DGKB: variants seen among roughly 807,000 people sequenced by gnomAD.
DGKB encodes 90 kDa diacylglycerol kinase.
In DGKB, 67 loss-of-function variants were observed where a neutral mutation model predicts 114.3. The ratio of observed to expected loss-of-function variants is 0.59; its 90% CI spans 0.48 to 0.72. DGKB has a LOEUF of 0.72. DGKB is among the 30% of genes least tolerant of loss of function. The pLI is 0.00. For synonymous variants in DGKB, 398 were observed against 323.1 expected, an observed-to-expected ratio of 1.23 and a Z score of -2.49; for missense variants, 907 against 975.2, an observed-to-expected ratio of 0.93 and a Z score of 0.93.
intron 17 of DGKB, among the ~76,000 whole-genome samples, chr7:14,596,083 G>A (rs917230849): frequency 3.3e-5 from 5 of 152,002 alleles, no homozygotes; most frequent in Non-Finnish European, 5.9e-5. Flanking sequence ...CTTCATTGAT[G>A]GCGATATTTC....
chr7:14,595,472 A>T (rs1802416425), intron 17 of DGKB, among the ~76,000 whole-genome samples: 1 of 152,110 alleles, frequency 6.6e-6, no homozygotes, highest in Admixed American at 6.6e-5. Flanking sequence ...TCTCTCTTTG[A>T]TAAATAAGGA....
intron 23 of DGKB, among the ~76,000 whole-genome samples, chr7:14,321,724 A>G (rs1016400153): frequency 6.6e-6 from 1 of 152,160 alleles, no homozygotes; most frequent in Admixed American, 6.5e-5. Flanking sequence ...ATTAGAATTG[A>G]TAAGTGATTT....
At chr7:14,569,382 A>G (rs542784141) in intron 20 of DGKB, among the ~76,000 whole-genome samples, 1 of 152,182 alleles carries the variant, frequency 6.6e-6, no homozygotes, top group Non-Finnish European at 1.5e-5. Context: ...ACATTCTATC[A>G]CATAGTTTTT....
chr7:14,898,725 T>G (rs544099557), intron 1 of DGKB, among the ~76,000 whole-genome samples: 3 of 152,074 alleles, frequency 2.0e-5, no homozygotes, highest in Non-Finnish European at 4.4e-5. Context: ...ACAATGTGAA[T>G]GTATTTGCAA....
intron 21 of DGKB, among the ~76,000 whole-genome samples, chr7:14,416,062 A>G (rs2128752619): frequency 6.6e-6 from 1 of 152,232 alleles, no homozygotes; most frequent in East Asian, 1.9e-4. Flanking sequence ...GGCTGCATAA[A>G]TGTCTTCTTT....
chr7:14,767,929 G>C (rs1172981386), intron 2 of DGKB, among the ~76,000 whole-genome samples: 1 of 151,806 alleles, frequency 6.6e-6, no homozygotes, highest in Non-Finnish European at 1.5e-5. Context: ...GTATTCTCTA[G>C]TCACAACACT....
chr7:14,677,822 T>A (rs1302697276), intron 12 of DGKB, among the ~76,000 whole-genome samples: 1 of 152,108 alleles, frequency 6.6e-6, no homozygotes, highest in Non-Finnish European at 1.5e-5. Flanking sequence ...ACTGGTTGCC[T>A]AATTATCAGA....
intron 1 of DGKB, among the ~76,000 whole-genome samples, chr7:14,842,992 G>C (rs1457988876): frequency 6.6e-6 from 1 of 152,118 alleles, no homozygotes; most frequent in Non-Finnish European, 1.5e-5. Context: ...AGGATGGAAT[G>C]AGCCCAGGTG....
intron 1 of DGKB, among the ~76,000 whole-genome samples, chr7:14,863,486 C>T (rs1851275160): frequency 6.6e-6 from 1 of 151,210 alleles, no homozygotes; most frequent in African/African-American, 2.4e-5. Flanking sequence ...AATTCTAAAC[C>T]ACATCACTTT....
At chr7:14,165,628 A>C (rs1784512192) in intron 25 of DGKB, among the ~76,000 whole-genome samples, 1 of 152,194 alleles carries the variant, frequency 6.6e-6, no homozygotes, top group Non-Finnish European at 1.5e-5. Flanking sequence ...TATGGGAAAA[A>C]AGTGATCAAC....
intron 15 of DGKB, chr7:14,621,086 G>C: frequency 3.9e-6 from 1 of 255,520 alleles, no homozygotes; most frequent in East Asian, 1.1e-4. Context: ...TAACACATAT[G>C]TATTTAATAA....
chr7:14,596,225 T>C (rs1326530663), intron 17 of DGKB, among the ~76,000 whole-genome samples: 1 of 152,130 alleles, frequency 6.6e-6, no homozygotes, highest in Non-Finnish European at 1.5e-5. Context: ...ATAATAAAAA[T>C]TTAAAATTGT....
At chr7:14,171,571 A>G (rs1457277799) in intron 25 of DGKB, among the ~76,000 whole-genome samples, 1 of 152,212 alleles carries the variant, frequency 6.6e-6, no homozygotes, top group Non-Finnish European at 1.5e-5. Flanking sequence ...ATCATACCAT[A>G]CAGGAAATAG....
chr7:14,936,548 T>A (rs1785279607), intron 1 of DGKB, among the ~76,000 whole-genome samples: 1 of 152,118 alleles, frequency 6.6e-6, no homozygotes, highest in Non-Finnish European at 1.5e-5. Flanking sequence ...TTGCTTTGAT[T>A]TGTCTATAAT....
chr7:14,773,558 C>T (rs1012387366), intron 2 of DGKB, among the ~76,000 whole-genome samples: 1 of 152,026 alleles, frequency 6.6e-6, no homozygotes, highest in African/African-American at 2.4e-5. Flanking sequence ...GTAAGTTAAC[C>T]AAGCAGATGG....
At chr7:14,665,325 G>C (rs1293834503) in intron 13 of DGKB, among the ~76,000 whole-genome samples, 2 of 151,792 alleles carry the variant, frequency 1.3e-5, no homozygotes, top group Non-Finnish European at 2.9e-5. Flanking sequence ...ATGAGAGCTC[G>C]ATGATGAGAA....
At chr7:14,396,096 G>C (rs1307107088) in intron 21 of DGKB, among the ~76,000 whole-genome samples, 1 of 151,938 alleles carries the variant, frequency 6.6e-6, no homozygotes, top group African/African-American at 2.4e-5. Context: ...TTACATGTTG[G>C]TTAGGATGAG....
chr7:14,812,086 C>G (rs1193005158), intron 2 of DGKB, among the ~76,000 whole-genome samples: 6 of 152,128 alleles, frequency 3.9e-5, no homozygotes, highest in Non-Finnish European at 8.8e-5. Flanking sequence ...ATAAGGTCAT[C>G]AAGCTTCATT....
chr7:14,672,788 T>G (rs1819185140), intron 13 of DGKB, 141 bp downstream of exon 13: 1 of 476,232 alleles, frequency 2.1e-6, no homozygotes, highest in African/African-American at 2.0e-5. Flanking sequence ...AGGTGTTCTG[T>G]TTCAGAGTAA....
Sources: allele counts gnomAD v4.1 joint callset (sites outside exome capture counted in the v4.1 genomes callset), GRCh38; gene constraint gnomAD v4.1.1; transcripts MANE v1.5; gene names NCBI Gene and HGNC (gene_info 2026-07-23, HGNC 2026-07-21).